The following PTPRN2 variants were observed in gnomAD, a reference collection of about 807,000 sequenced individuals.
PTPRN2 encodes protein tyrosine phosphatase receptor type N2.
Under a neutral mutation model 118.8 loss-of-function variants are expected in PTPRN2, and 74 were observed. That is an observed-to-expected ratio of 0.62 (90% CI 0.52 to 0.76). PTPRN2 has a LOEUF of 0.76. Among genes scored for constraint, PTPRN2 ranks in the 30% least tolerant of loss-of-function variants. PTPRN2 has a pLI of 0.00. For synonymous variants in PTPRN2, 641 were observed against 608.0 expected (o/e 1.05, Z -0.80); for missense variants, 1,481 against 1,394.4 (o/e 1.06, Z -0.99).
intron 1 of PTPRN2, among the ~76,000 whole-genome samples, chr7:158,553,309 T>C (rs1368815929): frequency 2.0e-5 from 3 of 150,830 alleles, no homozygotes; most frequent in Non-Finnish European, 4.4e-5. Flanking sequence ...CTTGGGAGTC[T>C]ATACCACACT....
At chr7:158,413,549 C>T (rs968292449) in intron 2 of PTPRN2, among the ~76,000 whole-genome samples, 3 of 152,202 alleles carry the variant, frequency 2.0e-5, no homozygotes, top group East Asian at 1.9e-4. Flanking sequence ...TAACCTTTTC[C>T]GACTCCCCTC....
chr7:158,221,789 A>T (rs1828398564), intron 3 of PTPRN2, among the ~76,000 whole-genome samples: 1 of 152,206 alleles, frequency 6.6e-6, no homozygotes, highest in Non-Finnish European at 1.5e-5. Flanking sequence ...CTACAATTCA[A>T]GATGAGATGT....
Position 158,125,514 on chromosome 7 carries a change from G to T in PTPRN2, c.1556+8163C>A, listed in dbSNP as rs554789992. 5.9e-5 allele frequency among the ~76,000 whole-genome samples: 9 copies of T among 152,130 alleles called. No homozygotes were observed. The East Asian group carries it at 1.7e-3, about 29-fold the overall frequency. Reference sequence around the variant, plus strand: ...CCCCACCCCCATGCCACTCCTTCTCGCCTTCTTCTCTTCTAATGTACAAGC... The same window carrying T: ...CCCCACCCCCATGCCACTCCTTCTCTCCTTCTTCTCTTCTAATGTACAAGC... On this transcript the variant is annotated intron_variant, in intron 9 of 22. Transcript: ENST00000389418.
chr7:158,367,331 C>T (rs761054767), intron 2 of PTPRN2, among the ~76,000 whole-genome samples: 3 of 152,258 alleles, frequency 2.0e-5, no homozygotes, highest in Non-Finnish European at 4.4e-5. Context: ...TCTCCAAGTC[C>T]TGTGTTCTCA....
chr7:158,554,501 TTCTC>T lies in PTPRN2; in HGVS notation c.112+33053_112+33056del, dbSNP rs143007768. Among the ~76,000 whole-genome samples, 256 of 151,522 alleles carry T rather than the reference TTCTC, an allele frequency of 1.7e-3. 3 individuals are homozygous for T. In the East Asian group the frequency reaches 0.027, roughly 16 times the overall value. On this transcript the variant is annotated intron_variant, in intron 1 of 22. Coordinates refer to ENST00000389418, the MANE Select transcript of PTPRN2 (RefSeq NM_002847.5). ...TCTGTCTCATATTGCTTTATCTGTG[TTCTC>T]TCTCTCTCTCTCTCCCATTATTTAT...
At chr7:157,792,138 A>C (rs574629201) in intron 12 of PTPRN2, among the ~76,000 whole-genome samples, 1 of 152,228 alleles carries the variant, frequency 6.6e-6, no homozygotes, top group Non-Finnish European at 1.5e-5. Flanking sequence ...ATGCCGCTCA[A>C]TCGAGTGACT....
intron 12 of PTPRN2, among the ~76,000 whole-genome samples, chr7:157,892,841 C>G (rs1266291368): frequency 1.3e-5 from 2 of 152,248 alleles, no homozygotes; most frequent in African/African-American, 4.8e-5. Flanking sequence ...ACCCTTCCAT[C>G]ACAGAGCTCC....
chr7:158,145,070 G>A (rs1409147146), intron 6 of PTPRN2, among the ~76,000 whole-genome samples: 11 of 147,470 alleles, frequency 7.5e-5, no homozygotes, highest in Middle Eastern at 3.6e-3. Context: ...TCACATCATC[G>A]CGAGAAGGTT....
intron 1 of PTPRN2, among the ~76,000 whole-genome samples, chr7:158,515,190 T>A (rs1349432305): frequency 6.7e-6 from 1 of 149,344 alleles, no homozygotes; most frequent in Non-Finnish European, 1.5e-5. Context: ...TGAGTGTATT[T>A]TTTTTTTTTT....
intron 19 of PTPRN2, among the ~76,000 whole-genome samples, chr7:157,574,162 GGT>G (rs1799896997): frequency 7.2e-5 from 11 of 152,154 alleles, no homozygotes; most frequent in Non-Finnish European, 1.5e-4. Flanking sequence ...AAGAAAAGTT[GGT>G]ATCATAGAAA....
intron 1 of PTPRN2, among the ~76,000 whole-genome samples, chr7:158,583,022 T>C (rs1828713944): frequency 6.6e-6 from 1 of 152,160 alleles, no homozygotes; most frequent in South Asian, 2.1e-4. Flanking sequence ...TGGAACTTTC[T>C]TAATGAGACC....
intron 12 of PTPRN2, among the ~76,000 whole-genome samples, chr7:157,802,322 G>A (rs952073199): frequency 1.3e-5 from 2 of 152,166 alleles, no homozygotes; most frequent in African/African-American, 2.4e-5. Context: ...ACGCTTCAGC[G>A]ACGTCGTGCA....
intron 9 of PTPRN2, among the ~76,000 whole-genome samples, chr7:158,129,251 C>G (rs1359732008): frequency 6.8e-6 from 1 of 147,488 alleles, no homozygotes; most frequent in Non-Finnish European, 1.5e-5. Flanking sequence ...ACAGACACCC[C>G]ACACTACACA....
At chr7:158,359,085 C>T (rs1299642862) in intron 2 of PTPRN2, among the ~76,000 whole-genome samples, 1 of 152,176 alleles carries the variant, frequency 6.6e-6, no homozygotes, top group Non-Finnish European at 1.5e-5. Context: ...CATAGCTAAT[C>T]CAACCACAGG....
At chr7:157,887,015 A>G (rs1796493821) in intron 12 of PTPRN2, among the ~76,000 whole-genome samples, 1 of 151,870 alleles carries the variant, frequency 6.6e-6, no homozygotes, top group African/African-American at 2.4e-5. Flanking sequence ...CACACAGCCA[A>G]GCCCACAGCG....
chr7:157,721,210 C>T (rs6964978), intron 12 of PTPRN2, among the ~76,000 whole-genome samples: 1,885 of 152,294 alleles, frequency 0.012, 33 homozygotes, highest in East Asian at 0.039. Context: ...GAACACACAA[C>T]GGGCACGGTG....
Position 157,891,281 on chromosome 7 carries a change from C to A in PTPRN2, c.1788+7392G>T, listed in dbSNP as rs528885686. On this transcript the variant is annotated intron_variant, in intron 12 of 22. Transcript: ENST00000389418. ...GTAGGAGCTGTGTACAGTAGCAAAC[C>A]TCTTTGCACAGACAGGAAATGACAG... Among the ~76,000 whole-genome samples the A allele has an allele frequency of 3.9e-5, 6 of 152,258 alleles. No individual in the cohort carries two copies. The East Asian group carries it at 1.2e-3, about 29-fold the overall frequency.
At chr7:157,829,885 T>G (rs1051112761) in intron 12 of PTPRN2, among the ~76,000 whole-genome samples, 4 of 152,244 alleles carry the variant, frequency 2.6e-5, no homozygotes, top group African/African-American at 9.6e-5. Context: ...ATGTCTCCTC[T>G]GCCCCATGGC....
rs1038987970 is a variant in PTPRN2 at position 158,166,951 on chromosome 7, T to C, written c.890A>G (p.Asp297Gly). The C allele has an allele frequency of 1.4e-6, 2 of 1,438,980 alleles. No individual in the cohort carries two copies. The highest frequency in any genetic ancestry group is 1.8e-6 in the Non-Finnish European group (2 of 1,091,130). The allele number at this position is 1,438,980 out of a possible 1,614,324, so 89.1% of individuals were successfully genotyped here. The stretch of plus-strand genomic sequence containing the variant: ...CTCACCATCGCCTGTGCTGGAGGGG[T>C]CTTCGGAATCTCCCAGAGGTGAAGG... ...KWPSPLGDSE[D>G]PSSTGDGARI... The change falls in exon 6 of 23, where the codon GAC (aspartate) becomes GGC (glycine). Residue 297 changes from aspartate (D) to glycine (G), a missense_variant. This residue lies in a region of PTPRN2 where 1,115 missense variants were observed against 994.2 expected (regional missense o/e 1.12). Transcript: ENST00000389418.
Sources: allele counts gnomAD v4.1 joint callset (sites outside exome capture counted in the v4.1 genomes callset), GRCh38; gene constraint gnomAD v4.1.1; regional missense constraint gnomAD v4.1.1; transcripts MANE v1.5; gene names NCBI Gene and HGNC (gene_info 2026-07-23, HGNC 2026-07-21).